NR3C2: variants seen among roughly 807,000 people sequenced by gnomAD.
The protein encoded by NR3C2 is nuclear receptor subfamily 3 group C member 2.
In NR3C2, 15 loss-of-function variants were observed where a neutral mutation model predicts 86.4. The ratio of observed to expected loss-of-function variants is 0.17; its 90% CI spans 0.12 to 0.27. NR3C2 has a LOEUF of 0.27. Ranked by LOEUF, NR3C2 falls within the 10% of genes least tolerant of loss-of-function variation. The pLI, the probability that NR3C2 is intolerant of heterozygous loss-of-function variation, is 1.00. For synonymous variants in NR3C2, 458 were observed against 450.5 expected (o/e 1.02, Z -0.21); for missense variants, 960 against 1,195.6 (o/e 0.80, Z 2.91).
chr4:148,238,403 A>T (rs1461520789), intron 3 of NR3C2, among the ~76,000 whole-genome samples: 1 of 152,208 alleles, frequency 6.6e-6, no homozygotes, highest in Non-Finnish European at 1.5e-5. Flanking sequence ...GACAAACGAG[A>T]GGTCAGAGAA....
At chr4:148,382,760 G>C (rs1238973045) in intron 2 of NR3C2, among the ~76,000 whole-genome samples, 1 of 152,086 alleles carries the variant, frequency 6.6e-6, no homozygotes. Context: ...TCTATGTGTA[G>C]GTTACCTACT....
intron 2 of NR3C2, among the ~76,000 whole-genome samples, chr4:148,398,717 G>T (rs1747984314): frequency 6.6e-6 from 1 of 152,186 alleles, no homozygotes; most frequent in Admixed American, 6.5e-5. Context: ...ATATAAATCT[G>T]TAAACATAAC....
intron 2 of NR3C2, among the ~76,000 whole-genome samples, chr4:148,383,447 G>A (rs985612262): frequency 1.1e-4 from 17 of 152,006 alleles, no homozygotes; most frequent in South Asian, 2.1e-4. Context: ...TAAAAATTAC[G>A]GGTTTTTAAT....
intron 6 of NR3C2, among the ~76,000 whole-genome samples, chr4:148,122,395 C>G (rs1235635310): frequency 6.6e-6 from 1 of 152,098 alleles, no homozygotes; most frequent in Non-Finnish European, 1.5e-5. Flanking sequence ...TTCTTTTGAT[C>G]CCTTTGTTTC....
chr4:148,386,377 C>T (rs1393761945), intron 2 of NR3C2, among the ~76,000 whole-genome samples: 1 of 152,192 alleles, frequency 6.6e-6, no homozygotes, highest in African/African-American at 2.4e-5. Context: ...GCTTTCCATA[C>T]AAACAACTAA....
At chr4:148,244,210 G>C (rs909860582) in intron 3 of NR3C2, among the ~76,000 whole-genome samples, 2 of 152,184 alleles carry the variant, frequency 1.3e-5, no homozygotes, top group Non-Finnish European at 2.9e-5. Context: ...CTTTATCTTA[G>C]TGTACATATT....
At chr4:148,360,973 C>T (rs982250055) in intron 2 of NR3C2, among the ~76,000 whole-genome samples, 1 of 152,136 alleles carries the variant, frequency 6.6e-6, no homozygotes, top group African/African-American at 2.4e-5. Context: ...CAGGATGCCA[C>T]CCAAGGCCCC....
chr4:148,193,463 T>G (rs1736300425), intron 4 of NR3C2, among the ~76,000 whole-genome samples: 2 of 152,212 alleles, frequency 1.3e-5, no homozygotes, highest in Admixed American at 1.3e-4. Context: ...CTGCTTTTTC[T>G]GGAGCTGCAA....
chr4:148,274,950 C>T lies in NR3C2; in HGVS notation c.1758-14833G>A, dbSNP rs151289058. Among the ~76,000 whole-genome samples, 1,237 of 151,964 alleles carry T rather than the reference C, an allele frequency of 8.1e-3. 12 individuals are homozygous for T. The highest frequency in any genetic ancestry group is 0.028 in the African/African-American group (1,168 of 41,454). On this transcript the variant is annotated intron_variant, in intron 2 of 8. Transcript: ENST00000358102. ...TGACCTCAGGTGATCCACTTGCCTCCGCCTCCCAAAGTGCTGGGATTACAG... is the reference window on the plus strand; with the variant it reads ...TGACCTCAGGTGATCCACTTGCCTCTGCCTCCCAAAGTGCTGGGATTACAG...
chr4:148,145,243 G>GA (rs1298297291), intron 6 of NR3C2, among the ~76,000 whole-genome samples: 1 of 152,092 alleles, frequency 6.6e-6, no homozygotes, highest in Non-Finnish European at 1.5e-5. Flanking sequence ...GGTAAGGGAG[G>GA]AACACCTTAA....
intron 8 of NR3C2, among the ~76,000 whole-genome samples, chr4:148,105,385 T>C (rs183787987): frequency 7.9e-5 from 12 of 152,288 alleles, no homozygotes; most frequent in African/African-American, 2.9e-4. Context: ...CAGTAATTAA[T>C]AGCCTACCAA....
intron 2 of NR3C2, among the ~76,000 whole-genome samples, chr4:148,348,607 T>A (rs1403409927): frequency 1.3e-5 from 2 of 152,156 alleles, no homozygotes; most frequent in East Asian, 3.9e-4. Context: ...GTCATCATTA[T>A]GAACTCCAAT....
In NR3C2 at chr4:148,399,666, A is replaced by C. The variant is rs957104262; in HGVS notation, c.1757+35438T>G. On this transcript the variant is annotated intron_variant, in intron 2 of 8. Transcript: ENST00000358102. ...CAAACACTACTCTCCATCATCGACAAAGTTTCTATATATACAGACACACAC... is the reference window on the plus strand; with the variant it reads ...CAAACACTACTCTCCATCATCGACACAGTTTCTATATATACAGACACACAC... Among the ~76,000 whole-genome samples the C allele has an allele frequency of 6.2e-5, 9 of 144,424 alleles. No individual in the cohort carries two copies. In the Admixed American group the frequency reaches 6.6e-4, roughly 11 times the overall value. 94.7% of individuals were successfully genotyped at this position (144,424 alleles called of 152,430 possible).
rs145401899 is a variant in NR3C2 at position 148,221,329 on chromosome 4, C to T, written c.1898-26467G>A. On this transcript the variant is annotated intron_variant, in intron 3 of 8. Transcript: ENST00000358102. ...GCTTTATAAAGTCACATAAAGTGGA[C>T]GTACAACTCATAGAACAATTCTTTC... Among the ~76,000 whole-genome samples the T allele has an allele frequency of 2.3e-3, 357 of 152,244 alleles. 3 individuals are homozygous for T. Among genetic ancestry groups the T allele is most frequent in the African/African-American group, 7.9e-3 (328 of 41,530 alleles).
chr4:148,276,318 C>T (rs1324573835), intron 2 of NR3C2, among the ~76,000 whole-genome samples: 1 of 152,004 alleles, frequency 6.6e-6, no homozygotes, highest in African/African-American at 2.4e-5. Flanking sequence ...ATATATTTGC[C>T]TGTATGGTTT....
chr4:148,196,321 G>A (rs1736440452), intron 3 of NR3C2, among the ~76,000 whole-genome samples: 4 of 152,226 alleles, frequency 2.6e-5, no homozygotes, highest in Admixed American at 2.6e-4. Context: ...GACATGGTAA[G>A]TTAGAGAAGC....
At position 148,436,262 on chromosome 4, in the gene NR3C2, A is replaced by T. The variant is rs757055579; in HGVS notation, c.599T>A (p.Met200Lys). The T allele has an allele frequency of 6.2e-7, 1 of 1,614,168 alleles. No homozygotes were observed. Among genetic ancestry groups the T allele is most frequent in the Admixed American group, 1.7e-5 (1 of 60,020 alleles). The change falls in exon 2 of 9, where the codon ATG becomes AAG. Residue 200 changes from methionine to lysine, a missense_variant. Transcript: ENST00000358102. ...AGCAGGGCTGCAAACCGAAGATGTCATGTTCAGAGGGCTGCAAACAGACGG... is the reference window on the plus strand; with the variant it reads ...AGCAGGGCTGCAAACCGAAGATGTCTTGTTCAGAGGGCTGCAAACAGACGG... Reference protein sequence around the residue: ...KSPSVCSPLNMTSSVCSPAGI... With the variant: ...KSPSVCSPLNKTSSVCSPAGI...
rs529936683 is a variant in NR3C2, at chr4:148,300,756, G to C, written c.1758-40639C>G. ...CCCAGCTACTTTTGTATTTTTAGTA[G>C]AGATGGGGTTTCACTATGTTGGTCA... On this transcript the variant is annotated intron_variant, in intron 2 of 8. Transcript: ENST00000358102. 2.0e-5 allele frequency among the ~76,000 whole-genome samples: 3 copies of C among 152,164 alleles called. No homozygotes were observed. The South Asian group carries it at 6.2e-4, about 32-fold the overall frequency.
At chr4:148,198,707 TA>T (rs900503333) in intron 3 of NR3C2, among the ~76,000 whole-genome samples, 72 of 135,466 alleles carry the variant, frequency 5.3e-4, no homozygotes, top group Admixed American at 6.7e-4. Flanking sequence ...AAGAAAGAAC[TA>T]AAAAAAAAAA....
Sources: allele counts gnomAD v4.1 joint callset (sites outside exome capture counted in the v4.1 genomes callset), GRCh38; gene constraint gnomAD v4.1.1; transcripts MANE v1.5; gene names NCBI Gene and HGNC (gene_info 2026-07-23, HGNC 2026-07-21).